Variants in SNAPC3 observed in about 807,000 individuals in gnomAD.
SNAPC3 encodes snRNA-activating protein complex subunit 3.
Under a neutral mutation model 47.7 loss-of-function variants are expected in SNAPC3, and 56 were observed. The observed-to-expected ratio is 1.18, with a 90% CI of 0.95 to 1.47. The LOEUF is 1.47. SNAPC3 is among the 40% of genes most tolerant of loss of function. The pLI is 0.00. For missense variants in SNAPC3, 665 were observed against 511.3 expected (o/e 1.30, Z -2.90); for synonymous variants, 235 against 189.9 (o/e 1.24, Z -1.95).
rs1403802427 is a variant in SNAPC3 at position 15,457,960 on chromosome 9, G to A, written c.981G>A (p.Arg327=). The stretch of plus-strand genomic sequence containing the variant: ...ATCTTTATTTTCCCACGAACAAAAG[G>A]CTTGTGCATCATGATGACTGCTTGG... The part of the protein sequence containing the change: ...CEHVIVITDI[R]LVHHDDCLDR... Residue 327 remains arginine (R), a splice_region_variant and synonymous_variant, in exon 8 of 9, where the codon AGG becomes AGA. Transcript: ENST00000380821. 6.4e-7 allele frequency: 1 copy of A among 1,561,708 alleles called. No individual in the cohort carries two copies. The highest frequency in any genetic ancestry group is 2.0e-5 in the Admixed American group (1 of 50,112).
At position 15,433,693 on chromosome 9, in the gene SNAPC3, G is replaced by C. The variant is rs1322722920; in HGVS notation, c.477+57G>C. 1.0e-5 allele frequency: 11 copies of C among 1,083,658 alleles called. No individual in the cohort carries two copies. The Admixed American group carries it at 1.9e-4, about 18-fold the overall frequency. The allele number at this position is 1,083,658 out of a possible 1,614,324, so 67.1% of individuals were successfully genotyped here. A position where few individuals can be genotyped will look rare whatever the true frequency, so the allele number is the denominator to read the frequency against. On this transcript the variant is annotated intron_variant, in intron 3 of 8. Coordinates refer to ENST00000380821, the MANE Select transcript of SNAPC3 (RefSeq NM_001039697.2). ...TCTCTTAAAACAGTAAACCGACATT[G>C]GCTGAGGGTTAGTAATGACAGTATG...
chr9:15,442,139 G>A (rs188275715), intron 3 of SNAPC3, among the ~76,000 whole-genome samples: 3,997 of 145,710 alleles, frequency 0.027, 475 homozygotes, highest in African/African-American at 0.11. Flanking sequence ...GGGACGGGGC[G>A]GCTGGCTGGG....
chr9:15,425,132 T>C (rs1220943938), intron 2 of SNAPC3, among the ~76,000 whole-genome samples: 1 of 152,232 alleles, frequency 6.6e-6, no homozygotes, highest in East Asian at 1.9e-4. Context: ...CCTTTCCAGA[T>C]TTATTTTCAA....
At position 15,435,793 on chromosome 9, in the gene SNAPC3, T is replaced by TA. The variant is rs558550029; in HGVS notation, c.477+2162dup. ...CTAGACCCTTACCATATAAGTAATT[T>TA]AAAAATATTTTATCCCATTCTATAT... On this transcript the variant is annotated intron_variant, in intron 3 of 8. Transcript: ENST00000380821. 6.6e-4 allele frequency among the ~76,000 whole-genome samples: 100 copies of TA among 151,522 alleles called. No homozygotes were observed. In the East Asian group the frequency reaches 0.017, roughly 26 times the overall value.
At chr9:15,438,704 A>G (rs934056538) in intron 3 of SNAPC3, among the ~76,000 whole-genome samples, 6 of 152,110 alleles carry the variant, frequency 3.9e-5, no homozygotes, top group Non-Finnish European at 5.9e-5. Flanking sequence ...ATTGATTTCT[A>G]ATATTCACTT....
chr9:15,443,184 TGGGGAGAG>T (rs779036594), intron 3 of SNAPC3, among the ~76,000 whole-genome samples: 6 of 151,690 alleles, frequency 4.0e-5, no homozygotes, highest in Non-Finnish European at 5.9e-5. Flanking sequence ...AGGGAGACCG[TGGGGAGAG>T]GGGGAGAGGG....
intron 5 of SNAPC3, among the ~76,000 whole-genome samples, chr9:15,448,022 C>A (rs2034079157): frequency 6.6e-6 from 1 of 152,244 alleles, no homozygotes; most frequent in Middle Eastern, 3.4e-3. Flanking sequence ...CATCATAGGG[C>A]AGGATTGAAC....
intron 7 of SNAPC3, among the ~76,000 whole-genome samples, chr9:15,456,849 T>C (rs1260942120): frequency 6.6e-6 from 1 of 152,240 alleles, no homozygotes; most frequent in Non-Finnish European, 1.5e-5. Context: ...AAGTCATTTT[T>C]ATCTTACAGG....
downstream of SNAPC3, chr9:15,465,606 C>G (rs766998099): frequency 2.0e-6 from 3 of 1,523,688 alleles, no homozygotes; most frequent in Non-Finnish European, 2.7e-6. Context: ...AAAGGTACAA[C>G]TGGAATTAGG....
chr9:15,429,365 C>T (rs559269256), intron 2 of SNAPC3, among the ~76,000 whole-genome samples: 3 of 152,190 alleles, frequency 2.0e-5, no homozygotes, highest in Admixed American at 6.5e-5. Flanking sequence ...CTTTATCCAA[C>T]CAATTGATGA....
rs1030401406 is a variant in SNAPC3, at chr9:15,456,599, C to T, written c.981-1361C>T. 2.6e-5 allele frequency among the ~76,000 whole-genome samples: 4 copies of T among 152,106 alleles called. No homozygotes were observed. The East Asian group carries it at 5.8e-4, about 22-fold the overall frequency. On this transcript the variant is annotated intron_variant, in intron 7 of 8. Transcript: ENST00000380821. ...CGTCTTCCCTCAGTCTTTCCCATAG[C>T]TGAGATTATAGGCATATGCCACCAT...
intron 3 of SNAPC3, among the ~76,000 whole-genome samples, chr9:15,438,459 T>C: frequency 6.6e-6 from 1 of 152,146 alleles, no homozygotes; most frequent in Admixed American, 6.5e-5. Flanking sequence ...TTCTATTCTT[T>C]TTCACTTATC....
At chr9:15,459,281 A>T (rs1387719893) in intron 8 of SNAPC3, among the ~76,000 whole-genome samples, 1 of 152,244 alleles carries the variant, frequency 6.6e-6, no homozygotes, top group African/African-American at 2.4e-5. Context: ...ATAGTTTTCA[A>T]ATTAACCAGT....
At position 15,429,039 on chromosome 9, in the gene SNAPC3, T is replaced by TGG. The variant is rs1303651494; in HGVS notation, c.393-4511_393-4510dup. 3.3e-5 allele frequency among the ~76,000 whole-genome samples: 5 copies of TGG among 152,310 alleles called. No homozygotes were observed. In the South Asian group the frequency reaches 8.3e-4, roughly 25 times the overall value. On this transcript the variant is annotated intron_variant, in intron 2 of 8. Transcript: ENST00000380821. ...AAATTAACCCAGACTTATTGACTTT[T>TGG]GGGATATATTTTAGTACAACTATTA...
At chr9:15,439,321 T>C (rs1400211215) in intron 3 of SNAPC3, among the ~76,000 whole-genome samples, 1 of 152,210 alleles carries the variant, frequency 6.6e-6, no homozygotes, top group Non-Finnish European at 1.5e-5. Context: ...TTTATAATTG[T>C]ATATATCTTC....
At chr9:15,424,713 A>G (rs546685591) in intron 2 of SNAPC3, among the ~76,000 whole-genome samples, 1 of 152,346 alleles carries the variant, frequency 6.6e-6, no homozygotes, top group East Asian at 1.9e-4. Context: ...GTATGATAAT[A>G]TAGAGAAATT....
At chr9:15,463,433 TAC>T (rs1171287598), downstream of SNAPC3, 2 of 131,038 alleles carry the variant, frequency 1.5e-5, no homozygotes, top group African/African-American at 5.7e-5. Flanking sequence ...CATACGTACA[TAC>T]ACACACATAC....
Position 15,422,904 on chromosome 9 carries a change from C to A in SNAPC3, c.25C>A (p.Pro9Thr). The A allele has an allele frequency of 6.5e-7, 1 of 1,534,822 alleles. No individual in the cohort carries two copies. The highest frequency in any genetic ancestry group is 2.5e-5 in the East Asian group (1 of 39,258). The change falls in exon 1 of 9, where the codon CCT becomes ACT. Residue 9 changes from proline to threonine, a missense_variant. Physicochemically the swap from Pro to Thr is conservative, Grantham distance 38. Transcript: ENST00000380821. ...CATGGCTGAAGGAAGCCGAGGTGGC[C>A]CTACGTGTAGCGGGGTGGGTGGCAG... Reference protein sequence around the residue: MAEGSRGGPTCSGVGGRQD... With the variant: MAEGSRGGTTCSGVGGRQD...
In SNAPC3 at chr9:15,422,963, CT is replaced by C; in HGVS notation, c.87del (p.Pro30GlnfsTer8). The C allele has an allele frequency of 6.5e-7, 1 of 1,538,962 alleles. No homozygotes were observed. Among genetic ancestry groups the C allele is most frequent in the Non-Finnish European group, 8.7e-7 (1 of 1,148,050 alleles). The stretch of plus-strand genomic sequence containing the variant: ...CAGTCTCCGGCAGTGGCGGCTGCAA[CT>C]TTCCAGAGTATGAGCTTCCCGAGCT... ...DPVSGSGGCN[F>X]PEYELPELNT... On this transcript the variant is annotated frameshift_variant, in exon 1 of 9. Coordinates refer to ENST00000380821, the MANE Select transcript of SNAPC3 (RefSeq NM_001039697.2). LOFTEE classifies it high-confidence loss of function.
Sources: gnomAD v4.1 joint callset for allele counts (sites outside exome capture counted in the v4.1 genomes callset) on GRCh38, gnomAD v4.1.1 for gene constraint, MANE v1.5 for transcripts, NCBI Gene and HGNC (gene_info 2026-07-23, HGNC 2026-07-21) for gene names.